SCFD2: variants seen among roughly 807,000 people sequenced by gnomAD.
The protein encoded by SCFD2 is sec1 family domain-containing protein 2.
Under a neutral mutation model 58.9 loss-of-function variants are expected in SCFD2, and 54 were observed. That is an observed-to-expected ratio of 0.92 (90% CI 0.74 to 1.15). SCFD2 has a LOEUF of 1.15. Ranked by LOEUF, SCFD2 falls within the 50% of genes most tolerant of loss-of-function variation. The probability of loss-of-function intolerance (pLI) is 0.00; values close to 1 mark genes in which losing one functional copy is unlikely to be tolerated. For synonymous variants in SCFD2, 321 were observed against 335.9 expected, an observed-to-expected ratio of 0.96 and a Z score of 0.49; for missense variants, 805 against 836.6, an observed-to-expected ratio of 0.96 and a Z score of 0.47.
intron 5 of SCFD2, among the ~76,000 whole-genome samples, chr4:53,066,823 T>C (rs1295205329): frequency 6.6e-6 from 1 of 152,058 alleles, no homozygotes; most frequent in African/African-American, 2.4e-5. Context: ...TGTGGAGATA[T>C]GTTATTTCCT....
chr4:53,295,056 T>C (rs1731977232), intron 3 of SCFD2, among the ~76,000 whole-genome samples: 1 of 152,226 alleles, frequency 6.6e-6, no homozygotes, highest in African/African-American at 2.4e-5. Flanking sequence ...GTAGTATAGT[T>C]TGAAGTCAGG....
chr4:52,929,607 A>G (rs1013882812), intron 5 of SCFD2, among the ~76,000 whole-genome samples: 2 of 152,172 alleles, frequency 1.3e-5, no homozygotes, highest in Non-Finnish European at 2.9e-5. Context: ...AACCATCAGG[A>G]ATACACTTCA....
intron 5 of SCFD2, among the ~76,000 whole-genome samples, chr4:52,948,059 C>G (rs1274837272): frequency 6.0e-5 from 9 of 149,302 alleles, no homozygotes; most frequent in Admixed American, 6.0e-4. Flanking sequence ...TACACAGGAT[C>G]AGGGAAGAGA....
chr4:53,326,065 CTA>C (rs1271345858), intron 2 of SCFD2, among the ~76,000 whole-genome samples: 1 of 152,148 alleles, frequency 6.6e-6, no homozygotes, highest in Non-Finnish European at 1.5e-5. Flanking sequence ...AGAAAACATA[CTA>C]TCTTTTAAAT....
At chr4:53,320,355 G>A (rs530094663) in intron 2 of SCFD2, among the ~76,000 whole-genome samples, 3 of 152,296 alleles carry the variant, frequency 2.0e-5, no homozygotes, top group East Asian at 1.9e-4. Flanking sequence ...GGTGGCTCAC[G>A]CCTGTAATCC....
intron 8 of SCFD2, among the ~76,000 whole-genome samples, chr4:52,877,115 G>A (rs1002503701): frequency 3.3e-5 from 5 of 152,206 alleles, no homozygotes; most frequent in Admixed American, 6.5e-5. Flanking sequence ...CAATAACTGA[G>A]CCCAAAGAAT....
At position 52,873,032 on chromosome 4, in the gene SCFD2, G is replaced by C. The variant is rs984680038; in HGVS notation, c.*937C>G. 2 of 152,082 alleles carry C rather than the reference G, an allele frequency of 1.3e-5. No individual in the cohort carries two copies. The highest frequency in any genetic ancestry group is 2.9e-5 in the Non-Finnish European group (2 of 68,026). 9.4% of individuals were successfully genotyped at this position (152,082 alleles called of 1,614,324 possible). On this transcript the variant is annotated 3_prime_UTR_variant, in exon 9 of 9. Transcript: ENST00000401642. ...AACATGGATGCCAGAAACTTCCATC[G>C]ACCATACACCTACAAACATGTGGGT...
intron 5 of SCFD2, among the ~76,000 whole-genome samples, chr4:53,030,967 T>G (rs1344926814): frequency 2.0e-5 from 3 of 152,182 alleles, no homozygotes; most frequent in Admixed American, 6.5e-5. Context: ...ATTAAACTCT[T>G]GACACACATA....
intron 2 of SCFD2, among the ~76,000 whole-genome samples, chr4:53,329,837 A>T (rs937422066): frequency 1.8e-4 from 28 of 152,046 alleles, no homozygotes; most frequent in African/African-American, 6.7e-4. Context: ...AAAGAAGTTG[A>T]AAACTTTGAA....
chr4:53,212,682 C>T (rs752492197), intron 4 of SCFD2, among the ~76,000 whole-genome samples: 14 of 150,946 alleles, frequency 9.3e-5, no homozygotes, highest in Non-Finnish European at 1.8e-4. Context: ...CATTAAGGTA[C>T]AAGGAAAACT....
chr4:53,211,996 G>T (rs772582013), intron 4 of SCFD2, among the ~76,000 whole-genome samples: 1 of 152,036 alleles, frequency 6.6e-6, no homozygotes, highest in Non-Finnish European at 1.5e-5. Flanking sequence ...GCTTAACAAG[G>T]CTAATTTCTG....
At chr4:53,053,725 T>A (rs1224440258) in intron 5 of SCFD2, among the ~76,000 whole-genome samples, 1 of 152,166 alleles carries the variant, frequency 6.6e-6, no homozygotes, top group African/African-American at 2.4e-5. Context: ...CTCCTGTTCC[T>A]CAGGGAATGG....
At chr4:52,895,034 C>G (rs1268537512) in intron 7 of SCFD2, among the ~76,000 whole-genome samples, 1 of 152,196 alleles carries the variant, frequency 6.6e-6, no homozygotes, top group Non-Finnish European at 1.5e-5. Context: ...TTTCCATCCT[C>G]TAGATTGGAG....
At chr4:52,962,671 A>G (rs365625) in intron 5 of SCFD2, among the ~76,000 whole-genome samples, 78,589 of 150,708 alleles carry the variant, frequency 0.52, 20,960 homozygotes, top group Admixed American at 0.65. Flanking sequence ...AAAATAGTTT[A>G]GAGGGGGGCA....
At chr4:52,902,419 C>G (rs1213349878) in intron 7 of SCFD2, among the ~76,000 whole-genome samples, 1 of 152,180 alleles carries the variant, frequency 6.6e-6, no homozygotes, top group East Asian at 1.9e-4. Flanking sequence ...CTGACAAGAG[C>G]AAATCAGTAG....
At chr4:53,249,854 T>C (rs997536245) in intron 4 of SCFD2, among the ~76,000 whole-genome samples, 4 of 152,060 alleles carry the variant, frequency 2.6e-5, no homozygotes, top group African/African-American at 9.7e-5. Context: ...TCATGACAAA[T>C]TGTAAAGACC....
At chr4:53,135,322 T>C (rs1725903860) in intron 5 of SCFD2, among the ~76,000 whole-genome samples, 1 of 152,208 alleles carries the variant, frequency 6.6e-6, no homozygotes, top group Admixed American at 6.5e-5. Flanking sequence ...ATTTGACTCA[T>C]GTAATGTTTT....
intron 5 of SCFD2, among the ~76,000 whole-genome samples, chr4:53,083,500 A>T (rs980717257): frequency 6.6e-6 from 1 of 152,228 alleles, no homozygotes; most frequent in African/African-American, 2.4e-5. Flanking sequence ...ACATGAAAAA[A>T]GGAAAACTGC....
At chr4:53,274,660 T>A (rs1389238091) in intron 3 of SCFD2, among the ~76,000 whole-genome samples, 2 of 152,134 alleles carry the variant, frequency 1.3e-5, no homozygotes, top group African/African-American at 4.8e-5. Context: ...GCATAGAGAC[T>A]ATACAAACAC....
Sources: allele counts gnomAD v4.1 joint callset (sites outside exome capture counted in the v4.1 genomes callset), GRCh38; gene constraint gnomAD v4.1.1; transcripts MANE v1.5; gene names NCBI Gene and HGNC (gene_info 2026-07-23, HGNC 2026-07-21).